Variants in TMEM128 observed in about 807,000 individuals in gnomAD.
The protein encoded by TMEM128 is transmembrane protein 128.
TMEM128 carries 16 observed loss-of-function variants against 19.7 expected under a neutral mutation model. The observed-to-expected ratio is 0.81, with a 90% CI of 0.55 to 1.23. TMEM128 has a LOEUF of 1.23. TMEM128 is among the 50% of genes most tolerant of loss of function. The pLI is 0.00. For synonymous variants in TMEM128, 98 were observed against 75.8 expected (o/e 1.29, Z -1.52); for missense variants, 237 against 200.8 (o/e 1.18, Z -1.09).
chr4:4,248,143 G>C lies in TMEM128; in HGVS notation c.60C>G (p.Ala20=), dbSNP rs561087002. Reference sequence around the variant, plus strand: ...CACCCTCGCGGTCCAGCTGGGCCTCGGCGTCCGGCAGGAGGAGGAATCGCC... The same window carrying C: ...CACCCTCGCGGTCCAGCTGGGCCTCCGCGTCCGGCAGGAGGAGGAATCGCC... ...LRRRFLLLPD[A]EAQLDREGDA... Residue 20 remains alanine, a synonymous_variant, in exon 1 of 5, where the codon GCC becomes GCG. Transcript: ENST00000382753. 43 of 1,534,020 alleles carry C rather than the reference G, an allele frequency of 2.8e-5. No homozygotes were observed. In the African/African-American group the frequency reaches 4.7e-4, roughly 17 times the overall value.
chr4:4,244,364 C>T (rs576533638), intron 2 of TMEM128, among the ~76,000 whole-genome samples: 1 of 152,056 alleles, frequency 6.6e-6, no homozygotes. Context: ...ATAGTCCTAG[C>T]TACTTGGGAG....
intron 3 of TMEM128, 23 bp downstream of exon 3, chr4:4,240,298 T>A (rs770871960): frequency 6.2e-7 from 1 of 1,612,302 alleles, no homozygotes; most frequent in Admixed American, 1.7e-5. Flanking sequence ...TCATTCCTGT[T>A]AGTCATTTCA....
chr4:4,240,167 A>G (rs1443057390), intron 3 of TMEM128, 154 bp downstream of exon 3: 3 of 667,236 alleles, frequency 4.5e-6, no homozygotes, highest in African/African-American at 3.6e-5. Context: ...AGAAAGAGAT[A>G]CTAATCAAAA....
At chr4:4,244,077 G>C (rs190394316) in intron 2 of TMEM128, among the ~76,000 whole-genome samples, 3 of 152,286 alleles carry the variant, frequency 2.0e-5, no homozygotes, top group Admixed American at 6.5e-5. Flanking sequence ...TGGAGAGCTA[G>C]AAATGCACCT....
intron 1 of TMEM128, 53 bp downstream of exon 1, chr4:4,248,052 GT>G: frequency 6.5e-7 from 1 of 1,528,174 alleles, no homozygotes; most frequent in Non-Finnish European, 8.8e-7. Context: ...GAGGCCGGCC[GT>G]TTTCCGACGC....
In TMEM128 at chr4:4,241,649, G is replaced by A. The variant is rs141637878; in HGVS notation, c.240-1170C>T. 3.6e-3 allele frequency among the ~76,000 whole-genome samples: 543 copies of A among 152,276 alleles called. 5 individuals are homozygous for A. Among genetic ancestry groups the A allele is most frequent in the South Asian group, 0.024 (118 of 4,820 alleles). ...TTACGATGATGCAATTCTGAGATTCGGAGTCATGAGAGGCTGTAGAGGGAA... is the reference window on the plus strand; with the variant it reads ...TTACGATGATGCAATTCTGAGATTCAGAGTCATGAGAGGCTGTAGAGGGAA... On this transcript the variant is annotated intron_variant, in intron 2 of 4. Coordinates refer to ENST00000382753, the MANE Select transcript of TMEM128 (RefSeq NM_001297551.2).
intron 4 of TMEM128, among the ~76,000 whole-genome samples, chr4:4,237,527 A>T (rs1313606702): frequency 1.3e-5 from 2 of 152,180 alleles, no homozygotes; most frequent in Non-Finnish European, 2.9e-5. Flanking sequence ...TTATAATACC[A>T]GCTACTTGGG....
At chr4:4,245,668 T>C (rs563884550) in intron 2 of TMEM128, among the ~76,000 whole-genome samples, 2 of 152,160 alleles carry the variant, frequency 1.3e-5, no homozygotes, top group African/African-American at 2.4e-5. Context: ...CACCCTCTCA[T>C]TGGTTTTATT....
chr4:4,247,738 G>A (rs1718246918), intron 1 of TMEM128: 5 of 1,574,056 alleles, frequency 3.2e-6, no homozygotes, highest in East Asian at 4.5e-5. Context: ...TTCTGCTGAC[G>A]GGCAAGGCAG....
chr4:4,246,070 G>GT (rs1204292932), intron 2 of TMEM128, 132 bp downstream of exon 2: 2 of 875,876 alleles, frequency 2.3e-6, no homozygotes, highest in Admixed American at 6.4e-5. Flanking sequence ...ATTCATCTTC[G>GT]TATCACCACA....
At chr4:4,244,291 C>T (rs1218261512) in intron 2 of TMEM128, among the ~76,000 whole-genome samples, 1 of 152,036 alleles carries the variant, frequency 6.6e-6, no homozygotes, top group Non-Finnish European at 1.5e-5. Flanking sequence ...GCCTGGGCAA[C>T]ATGAAGAGAC....
rs555922645 is a variant in TMEM128, at chr4:4,241,227, T to C, written c.240-748A>G. On this transcript the variant is annotated intron_variant, in intron 2 of 4. Coordinates refer to ENST00000382753, the MANE Select transcript of TMEM128 (RefSeq NM_001297551.2). Reference sequence around the variant, plus strand: ...CCAAGTTAAGTGGACTTTCTTGGAATACTGAAAGACAATTAGGAAGATCAA... The same window carrying C: ...CCAAGTTAAGTGGACTTTCTTGGAACACTGAAAGACAATTAGGAAGATCAA... Among the ~76,000 whole-genome samples the C allele has an allele frequency of 2.0e-5, 3 of 152,376 alleles. No homozygotes were observed. In the South Asian group the frequency reaches 6.2e-4, roughly 32 times the overall value.
intron 1 of TMEM128, 116 bp from the exon 2 acceptor site, chr4:4,246,459 C>T (rs1718178245): frequency 9.4e-7 from 1 of 1,066,558 alleles, no homozygotes; most frequent in Non-Finnish European, 1.3e-6. Context: ...CCCATGATAA[C>T]AAATCCTTCT....
chr4:4,247,804 C>A (rs978101192), intron 1 of TMEM128: 4 of 1,445,696 alleles, frequency 2.8e-6, no homozygotes, highest in South Asian at 1.4e-5. Context: ...CTGCGCACAT[C>A]ATTGTACACT....
chr4:4,239,915 C>T (rs1717880173), intron 3 of TMEM128, among the ~76,000 whole-genome samples: 1 of 152,150 alleles, frequency 6.6e-6, no homozygotes, highest in Non-Finnish European at 1.5e-5. Flanking sequence ...CAGTATTTAC[C>T]TGTGGCAGGA....
At chr4:4,247,105 T>C (rs1718211789) in intron 1 of TMEM128, among the ~76,000 whole-genome samples, 1 of 152,172 alleles carries the variant, frequency 6.6e-6, no homozygotes. Flanking sequence ...AGCTCAAAAG[T>C]GGAAACGGCA....
At chr4:4,247,553 T>A (rs375231561) in intron 1 of TMEM128, 2 of 1,613,704 alleles carry the variant, frequency 1.2e-6, no homozygotes, top group Non-Finnish European at 1.7e-6. Context: ...TTCTACTGAA[T>A]TCTTCCATAT....
At chr4:4,247,262 T>G (rs1383303596) in intron 1 of TMEM128, among the ~76,000 whole-genome samples, 1 of 152,166 alleles carries the variant, frequency 6.6e-6, no homozygotes, top group Non-Finnish European at 1.5e-5. Context: ...GATTCTGACA[T>G]GCCCTCTAGG....
intron 2 of TMEM128, among the ~76,000 whole-genome samples, chr4:4,243,754 G>T (rs1718056117): frequency 6.6e-6 from 1 of 152,196 alleles, no homozygotes; most frequent in African/African-American, 2.4e-5. Context: ...TGGTCCCAGT[G>T]TCTGCGTCCC....
Sources: gnomAD v4.1 joint callset for allele counts (sites outside exome capture counted in the v4.1 genomes callset) on GRCh38, gnomAD v4.1.1 for gene constraint, MANE v1.5 for transcripts, NCBI Gene and HGNC (gene_info 2026-07-23, HGNC 2026-07-21) for gene names.